The following PRRG4 variants were observed in gnomAD, a reference collection of about 807,000 sequenced individuals.
PRRG4 encodes the protein transmembrane gamma-carboxyglutamic acid protein 4.
In PRRG4, 12 loss-of-function variants were observed where a neutral mutation model predicts 20.0. The ratio of observed to expected loss-of-function variants is 0.60; its 90% CI spans 0.38 to 0.97. The LOEUF is 0.97. PRRG4 is among the 50% of genes least tolerant of loss of function. PRRG4 has a pLI of 0.00. For synonymous variants in PRRG4, 94 were observed against 96.4 expected, an observed-to-expected ratio of 0.98 and a Z score of 0.15; for missense variants, 199 against 265.1, an observed-to-expected ratio of 0.75 and a Z score of 1.73.
At chr11:32,851,669 G>T (rs1009139722) in intron 5 of PRRG4, among the ~76,000 whole-genome samples, 1 of 152,188 alleles carries the variant, frequency 6.6e-6, no homozygotes, top group Non-Finnish European at 1.5e-5. Context: ...ATTTGGAAAA[G>T]TTGGCAGTAT....
chr11:32,829,851 C>T (rs1850945156), upstream of PRRG4: 2 of 985,444 alleles, frequency 2.0e-6, no homozygotes, highest in Non-Finnish European at 2.4e-6. Flanking sequence ...ACTGCCCGCC[C>T]GCTCGCCGCA....
At chr11:32,850,357 G>A (rs183334850) in intron 5 of PRRG4, among the ~76,000 whole-genome samples, 27 of 152,284 alleles carry the variant, frequency 1.8e-4, no homozygotes, top group African/African-American at 5.8e-4. Context: ...TCGAGTGCAG[G>A]AAGTAAAGTG....
intron 5 of PRRG4, among the ~76,000 whole-genome samples, chr11:32,845,103 T>A (rs1851115943): frequency 1.3e-5 from 2 of 151,826 alleles, no homozygotes; most frequent in South Asian, 4.2e-4. Flanking sequence ...GTAAAAAAAA[T>A]AAAAATAAAA....
upstream of PRRG4, chr11:32,829,824 C>T: frequency 1.0e-6 from 1 of 985,384 alleles, no homozygotes; most frequent in Non-Finnish European, 1.2e-6. Flanking sequence ...GCGCGGGCTC[C>T]CGGGAGACGC....
rs1042739956 is a variant in PRRG4 at position 32,857,855 on chromosome 11, CAT to C, written c.*4329_*4330del. On this transcript the variant is annotated 3_prime_UTR_variant, in exon 6 of 6. Transcript: ENST00000257836. ...TTCTGCCTGTGTGGTCATTTTAAAA[CAT>C]GTGTGACATATATCAGTACCTTCAT... 3 of 152,148 alleles carry C rather than the reference CAT, an allele frequency of 2.0e-5. No individual in the cohort carries two copies. The highest frequency in any genetic ancestry group is 2.9e-5 in the Non-Finnish European group (2 of 68,012). The allele number at this position is 152,148 out of a possible 1,614,324, so 9.4% of individuals were successfully genotyped here.
In PRRG4 at chr11:32,853,850, G is replaced by A; in HGVS notation, c.*323G>A. 2.9e-5 allele frequency: 5 copies of A among 170,760 alleles called. No individual in the cohort carries two copies. The highest frequency in any genetic ancestry group is 1.6e-4 in the South Asian group (1 of 6,318). 10.6% of individuals were successfully genotyped at this position (170,760 alleles called of 1,614,324 possible). On this transcript the variant is annotated 3_prime_UTR_variant, in exon 6 of 6. Coordinates refer to ENST00000257836, the MANE Select transcript of PRRG4 (RefSeq NM_024081.6). ...CTCAAAAATAAAATAAAAAAAGAAA[G>A]AAAGAAAAGAAGAAGAAAAGAGAAG...
chr11:32,847,911 A>G (rs557730982), intron 5 of PRRG4, among the ~76,000 whole-genome samples: 1 of 152,378 alleles, frequency 6.6e-6, no homozygotes, highest in African/African-American at 2.4e-5. Flanking sequence ...GATTCCACTT[A>G]TATGTAATGC....
At chr11:32,850,836 G>A (rs11032022) in intron 5 of PRRG4, among the ~76,000 whole-genome samples, 58 of 152,278 alleles carry the variant, frequency 3.8e-4, no homozygotes, top group African/African-American at 1.2e-3. Flanking sequence ...TTGGGAGGCC[G>A]AAACAGGTGG....
intron 2 of PRRG4, among the ~76,000 whole-genome samples, chr11:32,832,765 G>A (rs1850985920): frequency 6.6e-6 from 1 of 152,180 alleles, no homozygotes; most frequent in Admixed American, 6.5e-5. Context: ...TTACAGGCGT[G>A]AGCTACCGCG....
intron 5 of PRRG4, among the ~76,000 whole-genome samples, chr11:32,846,865 G>A (rs1323705728): frequency 6.6e-6 from 1 of 151,948 alleles, no homozygotes; most frequent in Non-Finnish European, 1.5e-5. Flanking sequence ...GGACATGGTG[G>A]CACACACATA....
At chr11:32,830,214 A>G in intron 1 of PRRG4, 41 bp downstream of exon 1, 1 of 1,074,068 alleles carries the variant, frequency 9.3e-7, no homozygotes, top group African/African-American at 1.6e-5. Flanking sequence ...GGAGGGGGTT[A>G]CCTGGAAGGG....
chr11:32,833,294 A>G (rs776413191), intron 2 of PRRG4, among the ~76,000 whole-genome samples: 1 of 152,160 alleles, frequency 6.6e-6, no homozygotes, highest in Non-Finnish European at 1.5e-5. Context: ...CATAAATATC[A>G]TATTTATGAT....
chr11:32,833,831 T>C (rs1261065913), intron 2 of PRRG4, among the ~76,000 whole-genome samples: 1 of 151,984 alleles, frequency 6.6e-6, no homozygotes, highest in Non-Finnish European at 1.5e-5. Context: ...AAGTAAAGCA[T>C]ATAGAAAACC....
At chr11:32,832,158 T>C (rs1412626553) in intron 2 of PRRG4, among the ~76,000 whole-genome samples, 1 of 152,202 alleles carries the variant, frequency 6.6e-6, no homozygotes, top group East Asian at 1.9e-4. Flanking sequence ...ACTTGTTCAG[T>C]CAGTCACCAC....
At chr11:32,852,939 A>ATTTT (rs34615143) in intron 5 of PRRG4, among the ~76,000 whole-genome samples, 2 of 99,122 alleles carry the variant, frequency 2.0e-5, no homozygotes, top group South Asian at 3.5e-4. Context: ...TGCCCGGCTA[A>ATTTT]TTTTTTTTTT....
rs974004699 is a variant in PRRG4 at position 32,830,080 on chromosome 11, G to C, written c.-116G>C. The C allele has an allele frequency of 7.9e-5, 78 of 989,384 alleles. No individual in the cohort carries two copies. Among genetic ancestry groups the C allele is most frequent in the Non-Finnish European group, 4.9e-5 (41 of 832,936 alleles). The allele number at this position is 989,384 out of a possible 1,614,324, so 61.3% of individuals were successfully genotyped here. On this transcript the variant is annotated 5_prime_UTR_variant, in exon 1 of 6. Transcript: ENST00000257836. ...GGCCCGGAGCGTCGCCGAGGTTTGA[G>C]GGCGCCGGAGACCGAGGGCCTGGCG...
rs1457435851 is a variant in PRRG4 at position 32,838,867 on chromosome 11, T to G, written c.268-15T>G. The G allele has an allele frequency of 6.3e-7, 1 of 1,597,078 alleles. No individual in the cohort carries two copies. The highest frequency in any genetic ancestry group is 8.6e-7 in the Non-Finnish European group (1 of 1,164,730). On this transcript the variant is annotated splice_polypyrimidine_tract_variant and intron_variant, in intron 3 of 5. Transcript: ENST00000257836. ...AAGATATTGAATAAACTTGGGAATT[T>G]TACCTTTTTTTTAGATTGCATTTTG...
chr11:32,851,804 T>C (rs528574753), intron 5 of PRRG4, among the ~76,000 whole-genome samples: 19 of 152,320 alleles, frequency 1.2e-4, no homozygotes, highest in African/African-American at 3.9e-4. Context: ...TATATATATT[T>C]ATGGGGTACA....
chr11:32,853,396 G>A lies in PRRG4; in HGVS notation c.550G>A (p.Ala184Thr), dbSNP rs768710286. The change falls in exon 6 of 6, where the codon GCA becomes ACA. Residue 184 changes from alanine (A) to threonine (T), a missense_variant. Physicochemically the swap from Ala to Thr is moderately conservative, Grantham distance 58. Coordinates refer to ENST00000257836, the MANE Select transcript of PRRG4 (RefSeq NM_024081.6). ...TCCATTGCCGCCTTCTGTGGAGGAT[G>A]CAGGATTACCTTCTTATGAACAGGC... ...LSPLPPSVEDAGLPSYEQAVA... is the reference protein window; with the variant it reads ...LSPLPPSVEDTGLPSYEQAVA... The A allele has an allele frequency of 1.4e-5, 22 of 1,613,946 alleles. No individual in the cohort carries two copies. In the East Asian group the frequency reaches 4.7e-4, roughly 34 times the overall value.
Sources: allele counts gnomAD v4.1 joint callset (sites outside exome capture counted in the v4.1 genomes callset), GRCh38; gene constraint gnomAD v4.1.1; transcripts MANE v1.5; gene names NCBI Gene and HGNC (gene_info 2026-07-23, HGNC 2026-07-21).